ILRUN: variants seen among roughly 807,000 people sequenced by gnomAD.
ILRUN encodes protein ILRUN.
ILRUN carries 3 observed loss-of-function variants against 33.8 expected under a neutral mutation model. The ratio of observed to expected loss-of-function variants is 0.09; its 90% CI spans 0.04 to 0.23. The LOEUF is 0.23. Ranked by LOEUF, ILRUN falls within the 10% of genes least tolerant of loss-of-function variation. The pLI, the probability that ILRUN is intolerant of heterozygous loss-of-function variation, is 1.00. For missense variants in ILRUN, 210 were observed against 375.1 expected (o/e 0.56, Z 3.64); for synonymous variants, 124 against 138.9 (o/e 0.89, Z 0.75).
intron 3 of ILRUN, among the ~76,000 whole-genome samples, chr6:34,635,296 G>A (rs1013940070): frequency 6.6e-6 from 1 of 152,038 alleles, no homozygotes; most frequent in Non-Finnish European, 1.5e-5. Flanking sequence ...CTGGGAGGCC[G>A]AGGCAGGTGG....
At chr6:34,656,235 CAAA>C (rs562655955) in intron 1 of ILRUN, among the ~76,000 whole-genome samples, 3 of 61,820 alleles carry the variant, frequency 4.9e-5, no homozygotes, top group Admixed American at 1.7e-4. Context: ...GACTCCGTCT[CAAA>C]AAAAAAAAAA....
chr6:34,598,545 A>T (rs1761447713), intron 4 of ILRUN, among the ~76,000 whole-genome samples: 1 of 152,340 alleles, frequency 6.6e-6, no homozygotes, highest in Non-Finnish European at 1.5e-5. Context: ...GGCCCTTATA[A>T]CCAAAATAAA....
intron 1 of ILRUN, among the ~76,000 whole-genome samples, chr6:34,682,021 C>CTTTTTTT (rs1377020252): frequency 0.038 from 4,876 of 129,160 alleles, 292 homozygotes; most frequent in East Asian, 0.22. Flanking sequence ...CCCACTAATT[C>CTTTTTTT]TTATATTTTT....
intron 3 of ILRUN, among the ~76,000 whole-genome samples, chr6:34,639,709 A>G (rs2127354959): frequency 6.6e-6 from 1 of 152,340 alleles, no homozygotes; most frequent in South Asian, 2.1e-4. Flanking sequence ...TCTAACAAGT[A>G]TTAACACCCT....
chr6:34,608,214 T>C (rs908938837), intron 3 of ILRUN, among the ~76,000 whole-genome samples: 1 of 151,750 alleles, frequency 6.6e-6, no homozygotes, highest in Non-Finnish European at 1.5e-5. Context: ...GCCAACATAG[T>C]GAAACCCCAT....
intron 1 of ILRUN, among the ~76,000 whole-genome samples, chr6:34,675,686 G>A (rs1352477060): frequency 2.0e-5 from 3 of 151,988 alleles, no homozygotes; most frequent in South Asian, 2.1e-4. Flanking sequence ...TAAACCAAGC[G>A]AGACAAACTG....
At chr6:34,606,925 A>C in intron 3 of ILRUN, 21 bp from the exon 4 acceptor site, 23 of 1,579,026 alleles carry the variant, frequency 1.5e-5, no homozygotes, top group Non-Finnish European at 1.9e-5. Context: ...AAGGTAACTC[A>C]TTTCAATGCC....
In ILRUN at chr6:34,606,828, C is replaced by T. The variant is rs753433730; in HGVS notation, c.588G>A (p.Thr196=). 28 of 1,613,980 alleles carry T rather than the reference C, an allele frequency of 1.7e-5. No homozygotes were observed. The Admixed American group carries it at 3.2e-4, about 18-fold the overall frequency. ...GVTQQLSSFE[T]EFNTQPHRKV... is the part of the protein sequence containing the mutation. Reference sequence around the variant, plus strand: ...TACGATGCGGCTGTGTGTTGAACTCCGTTTCAAAAGATGACAGCTGCTGCG... The same window carrying T: ...TACGATGCGGCTGTGTGTTGAACTCTGTTTCAAAAGATGACAGCTGCTGCG... The change falls in exon 4 of 5, where the codon ACG becomes ACA. Residue 196 remains threonine, a synonymous_variant. Coordinates refer to ENST00000374023, the MANE Select transcript of ILRUN (RefSeq NM_024294.4).
intron 1 of ILRUN, among the ~76,000 whole-genome samples, chr6:34,683,419 C>CATATATATACATATATATACAT (rs1763420522): frequency 1.3e-5 from 1 of 78,602 alleles, no homozygotes; most frequent in South Asian, 3.0e-4. Context: ...TATATATATA[C>CATATATATACATATATATACAT]ATATATATAC....
chr6:34,677,170 G>A (rs974860633), intron 1 of ILRUN, among the ~76,000 whole-genome samples: 1 of 152,074 alleles, frequency 6.6e-6, no homozygotes, highest in Non-Finnish European at 1.5e-5. Flanking sequence ...AGCCAGGCAT[G>A]GTGGTGTATG....
At chr6:34,635,015 T>C (rs2127351310) in intron 3 of ILRUN, among the ~76,000 whole-genome samples, 1 of 152,218 alleles carries the variant, frequency 6.6e-6, no homozygotes, top group African/African-American at 2.4e-5. Context: ...ATTTTGGCTA[T>C]ATTCAGTTAA....
chr6:34,613,695 C>T (rs1435259634), intron 3 of ILRUN, among the ~76,000 whole-genome samples: 1 of 152,134 alleles, frequency 6.6e-6, no homozygotes, highest in Non-Finnish European at 1.5e-5. Context: ...TCAGAGATGT[C>T]AATATAAGTT....
intron 3 of ILRUN, among the ~76,000 whole-genome samples, chr6:34,642,633 A>T (rs897739035): frequency 2.6e-5 from 4 of 151,762 alleles, no homozygotes; most frequent in African/African-American, 9.7e-5. Flanking sequence ...ATGGCAACAA[A>T]TTTTTTTTGG....
intron 1 of ILRUN, among the ~76,000 whole-genome samples, chr6:34,682,964 A>AC (rs111248363): frequency 0.95 from 144,111 of 151,720 alleles, 68,524 homozygotes; most frequent in African/African-American, 0.99. Context: ...CCCCATCTCT[A>AC]AAAAAATTTT....
chr6:34,635,968 G>A (rs1409581857), intron 3 of ILRUN, among the ~76,000 whole-genome samples: 1 of 152,088 alleles, frequency 6.6e-6, no homozygotes, highest in Admixed American at 6.6e-5. Flanking sequence ...ACTACAAAGA[G>A]AAATCCAGAC....
chr6:34,606,938 G>A (rs1761646513), intron 3 of ILRUN, 34 bp from the exon 4 acceptor site: 3 of 1,544,222 alleles, frequency 1.9e-6, no homozygotes, highest in Non-Finnish European at 1.8e-6. Context: ...TCAATGCCAG[G>A]CTTACCCTTA....
intron 1 of ILRUN, among the ~76,000 whole-genome samples, chr6:34,659,603 C>G (rs745388090): frequency 7.2e-6 from 1 of 139,696 alleles, no homozygotes; most frequent in Non-Finnish European, 1.6e-5. Context: ...TGTATATATA[C>G]ATACATAAGG....
At chr6:34,651,856 G>A (rs914663843) in intron 2 of ILRUN, among the ~76,000 whole-genome samples, 1 of 145,530 alleles carries the variant, frequency 6.9e-6, no homozygotes, top group Non-Finnish European at 1.5e-5. Context: ...GCAGCGGCGC[G>A]ATCTTGGCTC....
intron 3 of ILRUN, among the ~76,000 whole-genome samples, chr6:34,611,100 GTC>G (rs1761740981): frequency 1.1e-5 from 1 of 95,236 alleles, no homozygotes; most frequent in African/African-American, 5.9e-5. Flanking sequence ...TCTTTCTGAT[GTC>G]TTTTTTTTTT....
Sources: gnomAD v4.1 joint callset for allele counts (sites outside exome capture counted in the v4.1 genomes callset) on GRCh38, gnomAD v4.1.1 for gene constraint, MANE v1.5 for transcripts, NCBI Gene and HGNC (gene_info 2026-07-23, HGNC 2026-07-21) for gene names.